RPA2: variants seen among roughly 807,000 people sequenced by gnomAD.
The protein encoded by RPA2 is replication protein A2.
RPA2 carries 22 observed loss-of-function variants against 33.4 expected under a neutral mutation model. The ratio of observed to expected loss-of-function variants is 0.66; its 90% CI spans 0.47 to 0.94. The LOEUF (loss-of-function observed/expected upper bound fraction) is 0.94. Among genes scored for constraint, RPA2 ranks in the 40% least tolerant of loss-of-function variants. The pLI is 0.00. For synonymous variants in RPA2, 109 were observed against 114.9 expected (o/e 0.95, Z 0.33); for missense variants, 279 against 329.9 (o/e 0.85, Z 1.19).
At chr1:27,907,783 T>C (rs1557473208) in intron 2 of RPA2, among the ~76,000 whole-genome samples, 1 of 152,176 alleles carries the variant, frequency 6.6e-6, no homozygotes, top group East Asian at 1.9e-4. Context: ...GTAGGACAGA[T>C]TTTTTGACTA....
At chr1:27,898,879 T>C (rs931117597) in intron 4 of RPA2, among the ~76,000 whole-genome samples, 13 of 152,074 alleles carry the variant, frequency 8.5e-5, no homozygotes, top group Admixed American at 7.2e-4. Context: ...TTTAAAGTTC[T>C]TTTCTGACTA....
chr1:27,912,142 A>G (rs1278663576), intron 2 of RPA2, among the ~76,000 whole-genome samples: 1 of 152,130 alleles, frequency 6.6e-6, no homozygotes, highest in African/African-American at 2.4e-5. Flanking sequence ...ATATACCAGA[A>G]TATCATTGAG....
chr1:27,897,690 G>A lies in RPA2; in HGVS notation c.351C>T (p.Asn117=). 2 of 1,599,208 alleles carry A rather than the reference G, an allele frequency of 1.3e-6. No homozygotes were observed. The highest frequency in any genetic ancestry group is 1.3e-5 in the African/African-American group (1 of 74,440). Residue 117 remains asparagine, a synonymous_variant, in exon 5 of 9, where the codon AAC becomes AAT. Transcript: ENST00000373912. Reference sequence around the variant, plus strand: ...CATATGTTTCTGGAGGAACCACAGTGTTTTCACTGCTGGTGTCCTAACATA... The same window carrying A: ...CATATGTTTCTGGAGGAACCACAGTATTTTCACTGCTGGTGTCCTAACATA... ...WVDTDDTSSE[N]TVVPPETYVK... is the part of the protein sequence containing the mutation.
At position 27,907,262 on chromosome 1, in the gene RPA2, A is replaced by G; in HGVS notation, c.138T>C (p.Ile46=). The change falls in exon 3 of 9, where the codon ATT becomes ATC. Residue 46 remains isoleucine, a synonymous_variant. Coordinates refer to ENST00000373912, the MANE Select transcript of RPA2 (RefSeq NM_002946.5). ...EKKSRARAQH[I]VPCTISQLLS... is the part of the protein sequence containing the mutation. ...GCAGCTGAGATATAGTACAGGGCAC[A>G]ATGTGCTGGGCTCGGGCTCTCTGAA... 2 of 1,612,344 alleles carry G rather than the reference A, an allele frequency of 1.2e-6. No homozygotes were observed. Among genetic ancestry groups the G allele is most frequent in the Non-Finnish European group, 1.7e-6 (2 of 1,179,228 alleles).
rs962353160 is a variant in RPA2 at position 27,906,868 on chromosome 1, A to G, written c.333+60T>C. ...AGAAAAAACTTTAAAAAGACTAAAAAAGTTCAACATCTCCACAGTTCCAAA... is the reference window on the plus strand; with the variant it reads ...AGAAAAAACTTTAAAAAGACTAAAAGAGTTCAACATCTCCACAGTTCCAAA... On this transcript the variant is annotated intron_variant, in intron 4 of 8. Transcript: ENST00000373912. 9 of 1,173,728 alleles carry G rather than the reference A, an allele frequency of 7.7e-6. No individual in the cohort carries two copies. The East Asian group carries it at 1.5e-4, about 19-fold the overall frequency. The allele number at this position is 1,173,728 out of a possible 1,614,324, so 72.7% of individuals were successfully genotyped here.
chr1:27,907,267 G>A lies in RPA2; in HGVS notation c.133C>T (p.His45Tyr). 2 of 1,609,340 alleles carry A rather than the reference G, an allele frequency of 1.2e-6. No homozygotes were observed. The highest frequency in any genetic ancestry group is 1.7e-6 in the Non-Finnish European group (2 of 1,178,062). ...TGAGATATAGTACAGGGCACAATGT[G>A]CTGGGCTCGGGCTCTCTGAAAAGAA... ...AEKKSRARAQHIVPCTISQLL... is the reference protein window; with the variant it reads ...AEKKSRARAQYIVPCTISQLL... The change falls in exon 3 of 9, where the codon CAC becomes TAC. Residue 45 changes from histidine to tyrosine, a missense_variant. His to Tyr is a moderately conservative substitution (Grantham distance 83). Coordinates refer to ENST00000373912, the MANE Select transcript of RPA2 (RefSeq NM_002946.5).
At chr1:27,905,695 T>C (rs368265516) in intron 4 of RPA2, among the ~76,000 whole-genome samples, 4 of 152,096 alleles carry the variant, frequency 2.6e-5, no homozygotes, top group African/African-American at 9.6e-5. Context: ...AGGCGCAATC[T>C]TGGCTCACTG....
chr1:27,904,344 GTTCT>G, intron 4 of RPA2, among the ~76,000 whole-genome samples: 1 of 152,288 alleles, frequency 6.6e-6, no homozygotes, highest in East Asian at 1.9e-4. Flanking sequence ...CGTAATAGTA[GTTCT>G]TTAAGAGACA....
At chr1:27,907,856 T>A (rs925589663) in intron 2 of RPA2, among the ~76,000 whole-genome samples, 2 of 152,158 alleles carry the variant, frequency 1.3e-5, no homozygotes, top group Admixed American at 1.3e-4. Context: ...TTTTTAAATT[T>A]TTTTTCTTTG....
At chr1:27,911,377 A>T (rs1049532947) in intron 2 of RPA2, among the ~76,000 whole-genome samples, 2 of 152,258 alleles carry the variant, frequency 1.3e-5, no homozygotes, top group East Asian at 3.9e-4. Context: ...AGAAAAAAAA[A>T]TTCAGAGACT....
chr1:27,898,034 A>G (rs2089914995), intron 4 of RPA2, among the ~76,000 whole-genome samples: 1 of 152,164 alleles, frequency 6.6e-6, no homozygotes, highest in Admixed American at 6.5e-5. Context: ...TCTGTCACCC[A>G]GGCTGGAGTG....
At chr1:27,913,363 T>C (rs959161769) in intron 2 of RPA2, among the ~76,000 whole-genome samples, 1 of 148,590 alleles carries the variant, frequency 6.7e-6, no homozygotes, top group African/African-American at 2.5e-5. Context: ...CTGAGGCGGG[T>C]GGATTACCTG....
chr1:27,914,380 T>C (rs1173905556), intron 1 of RPA2, 54 bp downstream of exon 1: 2 of 1,613,874 alleles, frequency 1.2e-6, no homozygotes, highest in Non-Finnish European at 1.7e-6. Flanking sequence ...CTCGCCCTCT[T>C]GCTAAAACCT....
chr1:27,914,661 G>T, upstream of RPA2: 1 of 1,613,330 alleles, frequency 6.2e-7, no homozygotes, highest in Non-Finnish European at 8.5e-7. Flanking sequence ...CTCTGCCCAT[G>T]CTCCAGAAAA....
Position 27,914,482 on chromosome 1 carries a change from G to T in RPA2, c.-39C>A. ...CTCCGCAAAGAGGCCGAGAAGGTGC[G>T]GGTCTGGGGGAATAGCGGAAAACCA... On this transcript the variant is annotated 5_prime_UTR_variant, in exon 1 of 9. Coordinates refer to ENST00000373912, the MANE Select transcript of RPA2 (RefSeq NM_002946.5). 1.3e-6 allele frequency: 2 copies of T among 1,589,820 alleles called. No homozygotes were observed. Among genetic ancestry groups the T allele is most frequent in the Middle Eastern group, 1.7e-4 (1 of 5,894 alleles).
intron 2 of RPA2, among the ~76,000 whole-genome samples, chr1:27,913,763 T>A (rs185856513): frequency 2.0e-5 from 3 of 151,924 alleles, no homozygotes; most frequent in African/African-American, 7.3e-5. Flanking sequence ...TTTTAAAAAA[T>A]AAAAATAAAT....
At position 27,911,413 on chromosome 1, in the gene RPA2, A is replaced by G. The variant is rs142867804; in HGVS notation, c.117+2650T>C. On this transcript the variant is annotated intron_variant, in intron 2 of 8. Coordinates refer to ENST00000373912, the MANE Select transcript of RPA2 (RefSeq NM_002946.5). The stretch of plus-strand genomic sequence containing the variant: ...GGGATTGAGTCTCCAACTTACAAGC[A>G]TTATTCTCTGAAAAGCTATCTTAAT... 6.1e-3 allele frequency among the ~76,000 whole-genome samples: 928 copies of G among 152,284 alleles called. 4 individuals carry two copies. The highest frequency in any genetic ancestry group is 0.011 in the South Asian group (52 of 4,830).
At position 27,913,697 on chromosome 1, in the gene RPA2, G is replaced by A. The variant is rs542868234; in HGVS notation, c.117+366C>T. Among the ~76,000 whole-genome samples the A allele has an allele frequency of 1.4e-4, 22 of 151,936 alleles. 2 individuals are homozygous for A. The South Asian group carries it at 4.4e-3, about 30-fold the overall frequency. ...TTTGAGAGGCCGAGGTGGGAGGATC[G>A]CTTGAGCTCAGGAGTCGGAGACCAG... On this transcript the variant is annotated intron_variant, in intron 2 of 8. Transcript: ENST00000373912.
intron 2 of RPA2, among the ~76,000 whole-genome samples, chr1:27,909,079 G>C (rs548076495): frequency 1.3e-5 from 2 of 152,300 alleles, no homozygotes; most frequent in East Asian, 3.9e-4. Flanking sequence ...AAAGTAGCAG[G>C]TAACAGGCTG....
Sources: gnomAD v4.1 joint callset for allele counts (sites outside exome capture counted in the v4.1 genomes callset) on GRCh38, gnomAD v4.1.1 for gene constraint, MANE v1.5 for transcripts, NCBI Gene and HGNC (gene_info 2026-07-23, HGNC 2026-07-21) for gene names.